The following RARB variants were observed in gnomAD, a reference collection of about 807,000 sequenced individuals.
RARB encodes HBV-activated protein.
In RARB, 17 loss-of-function variants were observed where a neutral mutation model predicts 51.9. That is an observed-to-expected ratio of 0.33 (90% CI 0.22 to 0.49). The LOEUF (loss-of-function observed/expected upper bound fraction) is 0.49. Ranked by LOEUF, RARB falls within the 20% of genes least tolerant of loss-of-function variation. RARB has a pLI of 0.99. For synonymous variants in RARB, 215 were observed against 195.4 expected (o/e 1.10, Z -0.84); for missense variants, 369 against 550.8 (o/e 0.67, Z 3.30).
At chr3:24,856,547 T>C (rs1191754568) in intron 1 of RARB, among the ~76,000 whole-genome samples, 2 of 152,224 alleles carry the variant, frequency 1.3e-5, no homozygotes, top group Non-Finnish European at 2.9e-5. Context: ...CGTTGACTTA[T>C]GTCGTTATGC....
intron 2 of RARB, among the ~76,000 whole-genome samples, chr3:24,935,187 G>C (rs9813773): frequency 0.033 from 5,030 of 152,138 alleles, 249 homozygotes; most frequent in African/African-American, 0.11. Context: ...TCTGTTGCAG[G>C]TTTTAAACAG....
intron 5 of RARB, among the ~76,000 whole-genome samples, chr3:25,343,057 TGTGTGTGTGTGTG>T (rs1267169337): frequency 2.0e-5 from 3 of 150,232 alleles, no homozygotes; most frequent in Admixed American, 1.3e-4. Flanking sequence ...TGTGTGTGTG[TGTGTGTGTGTGTG>T]TGTAATGCTG....
intron 3 of RARB, among the ~76,000 whole-genome samples, chr3:25,562,042 T>C (rs536980999): frequency 1.8e-4 from 28 of 152,054 alleles, no homozygotes; most frequent in Non-Finnish European, 3.8e-4. Flanking sequence ...ACCCTAGATA[T>C]ATGGGACCCC....
At chr3:25,030,500 TTGAA>T (rs1432161329) in intron 2 of RARB, among the ~76,000 whole-genome samples, 2 of 152,380 alleles carry the variant, frequency 1.3e-5, no homozygotes, top group Non-Finnish European at 2.9e-5. Context: ...TAAAAATATT[TTGAA>T]TGAGGAAAAC....
At chr3:25,335,562 G>T (rs1469458198) in intron 5 of RARB, among the ~76,000 whole-genome samples, 2 of 152,116 alleles carry the variant, frequency 1.3e-5, no homozygotes, top group East Asian at 3.9e-4. Flanking sequence ...GTTCCATTGT[G>T]CAGTCACCTC....
chr3:24,892,611 C>T (rs575520028), intron 2 of RARB, among the ~76,000 whole-genome samples: 1 of 152,292 alleles, frequency 6.6e-6, no homozygotes, highest in South Asian at 2.1e-4. Context: ...TCAAAGGAAT[C>T]AGTGACCCTG....
chr3:24,878,465 C>G (rs954216614), intron 2 of RARB, among the ~76,000 whole-genome samples: 3 of 151,906 alleles, frequency 2.0e-5, no homozygotes, highest in Non-Finnish European at 4.4e-5. Context: ...GAGTGGGAAG[C>G]AAAAGAGCTG....
intron 5 of RARB, among the ~76,000 whole-genome samples, chr3:25,226,810 C>T (rs985421978): frequency 6.6e-5 from 10 of 152,126 alleles, no homozygotes; most frequent in Non-Finnish European, 1.3e-4. Context: ...ATGACAGGCT[C>T]AAGAAGGGCT....
chr3:24,945,106 G>A (rs1035525165), intron 2 of RARB, among the ~76,000 whole-genome samples: 1 of 152,180 alleles, frequency 6.6e-6, no homozygotes, highest in African/African-American at 2.4e-5. Context: ...TATCTATTAT[G>A]TTGAAGTTAT....
chr3:25,009,255 G>T (rs116318306), intron 2 of RARB, among the ~76,000 whole-genome samples: 418 of 152,222 alleles, frequency 2.7e-3, no homozygotes, highest in African/African-American at 9.5e-3. Flanking sequence ...GGGTAGAATG[G>T]CTGACAGAAG....
At chr3:25,001,924 C>A (rs1389747846) in intron 2 of RARB, among the ~76,000 whole-genome samples, 1 of 152,060 alleles carries the variant, frequency 6.6e-6, no homozygotes, top group Non-Finnish European at 1.5e-5. Flanking sequence ...ACCACAGGAA[C>A]CCGCCACCCC....
intron 5 of RARB, among the ~76,000 whole-genome samples, chr3:25,200,598 C>T (rs1222419146): frequency 6.6e-6 from 1 of 152,018 alleles, no homozygotes; most frequent in South Asian, 2.1e-4. Flanking sequence ...GTCTTTAATC[C>T]ATCTTGAATT....
intron 4 of RARB, 63 bp downstream of exon 4, chr3:25,569,981 GACACACACACAC>G (rs56255512): frequency 0.017 from 18,618 of 1,064,148 alleles, 58 homozygotes; most frequent in African/African-American, 0.041. Flanking sequence ...CATGTGTGCA[GACACACACACAC>G]ACACACACAC....
chr3:25,047,677 C>T (rs1698244936), intron 2 of RARB, among the ~76,000 whole-genome samples: 1 of 152,114 alleles, frequency 6.6e-6, no homozygotes, highest in Admixed American at 6.5e-5. Context: ...TTTTGTTTTC[C>T]CTGTTTTTGC....
chr3:25,127,260 A>T (rs1575172750), intron 3 of RARB, among the ~76,000 whole-genome samples: 1 of 151,598 alleles, frequency 6.6e-6, no homozygotes, highest in East Asian at 1.9e-4. Context: ...GGCCCTGCAA[A>T]CCTCCCTCAC....
At chr3:25,385,215 C>A (rs962115295) in intron 5 of RARB, among the ~76,000 whole-genome samples, 1 of 152,180 alleles carries the variant, frequency 6.6e-6, no homozygotes, top group Non-Finnish European at 1.5e-5. Flanking sequence ...CCCTTTGTCT[C>A]AAGCACTTTT....
chr3:25,269,145 T>C (rs1193736115), intron 5 of RARB, among the ~76,000 whole-genome samples: 2 of 152,190 alleles, frequency 1.3e-5, no homozygotes, highest in Non-Finnish European at 2.9e-5. Context: ...TTTTCAAGTA[T>C]GTGCCAAAAT....
At chr3:25,143,427 C>T (rs1603980) in intron 4 of RARB, among the ~76,000 whole-genome samples, 1 of 151,994 alleles carries the variant, frequency 6.6e-6, no homozygotes, top group African/African-American at 2.4e-5. Context: ...TTAGTTTAGC[C>T]TAGTGTTCAG....
intron 5 of RARB, among the ~76,000 whole-genome samples, chr3:25,585,513 T>G (rs1489777392): frequency 6.6e-6 from 1 of 152,228 alleles, no homozygotes; most frequent in African/African-American, 2.4e-5. Context: ...TTTTTTACAA[T>G]GAAATTAAAC....
Sources: allele counts gnomAD v4.1 joint callset (sites outside exome capture counted in the v4.1 genomes callset), GRCh38; gene constraint gnomAD v4.1.1; transcripts MANE v1.5; gene names NCBI Gene and HGNC (gene_info 2026-07-23, HGNC 2026-07-21).